The following SLC5A1 variants were observed in gnomAD, a reference collection of about 807,000 sequenced individuals.
SLC5A1 encodes the protein solute carrier family 5 member 1.
Under a neutral mutation model 73.5 loss-of-function variants are expected in SLC5A1, and 42 were observed. That is an observed-to-expected ratio of 0.57 (90% CI 0.45 to 0.74). SLC5A1 has a LOEUF of 0.74. SLC5A1 is among the 30% of genes least tolerant of loss of function. The pLI is 0.00. For missense variants in SLC5A1, 634 were observed against 855.4 expected (o/e 0.74, Z 3.23); for synonymous variants, 300 against 317.4 (o/e 0.95, Z 0.58).
At position 32,101,736 on chromosome 22, in the gene SLC5A1, C is replaced by T. The variant is rs569639049; in HGVS notation, c.1450-286C>T. Among the ~76,000 whole-genome samples the T allele has an allele frequency of 6.6e-5, 10 of 152,248 alleles. No individual in the cohort carries two copies. In the East Asian group the frequency reaches 1.7e-3, roughly 26 times the overall value. ...CAAGTCTGTAGGTTGACATTCTATTCCAGTTATTAGACACTTTACCCCATT... is the reference window on the plus strand; with the variant it reads ...CAAGTCTGTAGGTTGACATTCTATTTCAGTTATTAGACACTTTACCCCATT... On this transcript the variant is annotated intron_variant, in intron 12 of 14. Coordinates refer to ENST00000266088, the MANE Select transcript of SLC5A1 (RefSeq NM_000343.4).
intron 5 of SLC5A1, 32 bp from the exon 6 acceptor site, chr22:32,081,834 C>T: frequency 7.0e-7 from 1 of 1,434,576 alleles, no homozygotes; most frequent in Non-Finnish European, 9.8e-7. Context: ...TGACCACTCT[C>T]CCTCCTAACT....
intron 1 of SLC5A1, among the ~76,000 whole-genome samples, chr22:32,049,726 G>A (rs2093942769): frequency 6.6e-6 from 1 of 152,078 alleles, no homozygotes; most frequent in Non-Finnish European, 1.5e-5. Flanking sequence ...ACAGTAAGCT[G>A]TATGTATCTT....
intron 5 of SLC5A1, among the ~76,000 whole-genome samples, chr22:32,081,465 T>G (rs1161241290): frequency 6.6e-6 from 1 of 152,148 alleles, no homozygotes; most frequent in Non-Finnish European, 1.5e-5. Flanking sequence ...GGGGACGAGC[T>G]CTGATAAACC....
chr22:32,101,442 A>G (rs960239341), intron 12 of SLC5A1, among the ~76,000 whole-genome samples: 8 of 152,336 alleles, frequency 5.3e-5, no homozygotes, highest in African/African-American at 1.9e-4. Flanking sequence ...ACACAGTATA[A>G]TTTTATGTTC....
intron 1 of SLC5A1, among the ~76,000 whole-genome samples, chr22:32,047,997 C>A (rs1433362452): frequency 6.6e-6 from 1 of 151,844 alleles, no homozygotes; most frequent in East Asian, 1.9e-4. Context: ...CCTGTCTCTA[C>A]AAAAATTAGC....
chr22:32,053,199 T>G (rs1293201021), intron 2 of SLC5A1, among the ~76,000 whole-genome samples: 4 of 152,208 alleles, frequency 2.6e-5, no homozygotes, highest in African/African-American at 7.2e-5. Flanking sequence ...TGGTATATTT[T>G]GGGTGGGAGC....
intron 5 of SLC5A1, among the ~76,000 whole-genome samples, chr22:32,072,470 C>G (rs919961864): frequency 2.0e-5 from 3 of 152,136 alleles, no homozygotes; most frequent in African/African-American, 7.2e-5. Context: ...CACTGATGGG[C>G]ATTTAGGTTG....
chr22:32,086,031 C>T (rs558377361), intron 9 of SLC5A1, among the ~76,000 whole-genome samples, 189 bp from the exon 10 acceptor site: 2 of 151,906 alleles, frequency 1.3e-5, no homozygotes, highest in South Asian at 4.2e-4. Context: ...GTCCCAGCTA[C>T]TTGGGAGGCT....
At chr22:32,076,263 C>G (rs2093990742) in intron 5 of SLC5A1, among the ~76,000 whole-genome samples, 1 of 152,188 alleles carries the variant, frequency 6.6e-6, no homozygotes, top group Non-Finnish European at 1.5e-5. Flanking sequence ...ATCTTTTGGT[C>G]ACGTATTTTT....
intron 7 of SLC5A1, among the ~76,000 whole-genome samples, chr22:32,083,620 T>C (rs143584041): frequency 6.6e-6 from 1 of 152,204 alleles, no homozygotes; most frequent in African/African-American, 2.4e-5. Flanking sequence ...ATGCCCCTAT[T>C]TGGCAAAATT....
chr22:32,071,230 T>C (rs1603118885), intron 5 of SLC5A1, among the ~76,000 whole-genome samples: 1 of 152,268 alleles, frequency 6.6e-6, no homozygotes, highest in Admixed American at 6.5e-5. Flanking sequence ...GGCATGAGGA[T>C]TGCGTGAGAC....
At chr22:32,083,004 T>G in intron 6 of SLC5A1, 70 bp from the exon 7 acceptor site, 1 of 1,384,236 alleles carries the variant, frequency 7.2e-7, no homozygotes, top group Non-Finnish European at 1.0e-6. Context: ...GGGTGGAGAG[T>G]GGGGAAGGAA....
chr22:32,065,769 C>A (rs1480477915), intron 2 of SLC5A1, among the ~76,000 whole-genome samples: 1 of 152,208 alleles, frequency 6.6e-6, no homozygotes, highest in Non-Finnish European at 1.5e-5. Flanking sequence ...ATCTCCCTCT[C>A]CCCTGACTTA....
intron 14 of SLC5A1, among the ~76,000 whole-genome samples, chr22:32,107,487 A>T (rs1291590293): frequency 1.3e-5 from 2 of 152,236 alleles, no homozygotes; most frequent in Non-Finnish European, 2.9e-5. Flanking sequence ...AAGTGATTCC[A>T]TTGTTCTAAA....
In SLC5A1 at chr22:32,084,465, G is replaced by A. The variant is rs202020538; in HGVS notation, c.691G>A (p.Ala231Thr). ...TTTTCACGAAGTGGGAGGCTATGACGCCTTCATGGAAAAGTACATGAAAGC... is the reference window on the plus strand; with the variant it reads ...TTTTCACGAAGTGGGAGGCTATGACACCTTCATGGAAAAGTACATGAAAGC... ...FAFHEVGGYDAFMEKYMKAIP... is the reference protein window; with the variant it reads ...FAFHEVGGYDTFMEKYMKAIP... Residue 231 changes from alanine to threonine, a missense_variant, in exon 8 of 15, where the codon GCC (alanine) becomes ACC (threonine). Ala to Thr is a moderately conservative substitution (Grantham distance 58). This residue lies in a region of SLC5A1 where 422 missense variants were observed against 626.1 expected (regional missense o/e 0.67). Coordinates refer to ENST00000266088, the MANE Select transcript of SLC5A1 (RefSeq NM_000343.4). The A allele has an allele frequency of 8.7e-6, 14 of 1,614,050 alleles. No homozygotes were observed. The highest frequency in any genetic ancestry group is 1.1e-5 in the Non-Finnish European group (13 of 1,180,006).
At position 32,081,916 on chromosome 22, in the gene SLC5A1, T is replaced by C; in HGVS notation, c.528T>C (p.Asn176=). The C allele has an allele frequency of 1.2e-6, 2 of 1,613,922 alleles. No individual in the cohort carries two copies. The highest frequency in any genetic ancestry group is 1.7e-6 in the Non-Finnish European group (2 of 1,179,854). ...TCATCAATCTGGCCTTAGGCCTGAA[T>C]CTGTATTTAGCCATCTTTCTCTTAT... is the stretch of plus-strand genomic sequence containing the variant. The part of the protein sequence containing the change: ...AIFINLALGL[N]LYLAIFLLLA... Residue 176 remains asparagine, a synonymous_variant, in exon 6 of 15, where the codon AAT becomes AAC. Coordinates refer to ENST00000266088, the MANE Select transcript of SLC5A1 (RefSeq NM_000343.4).
Position 32,104,875 on chromosome 22 carries a change from G to A in SLC5A1, c.1755G>A (p.Lys585=), listed in dbSNP as rs759200508. 7 of 1,613,160 alleles carry A rather than the reference G, an allele frequency of 4.3e-6. No homozygotes were observed. In the East Asian group the frequency reaches 1.3e-4, roughly 31 times the overall value. Reference sequence around the variant, plus strand: ...AGGAGAACATCCAAGAAGGCCCTAAGGAGACCATTGAAATAGGTGACTTAT... The same window carrying A: ...AGGAGAACATCCAAGAAGGCCCTAAAGAGACCATTGAAATAGGTGACTTAT... ...AEEENIQEGP[K]ETIEIETQVP... Residue 585 remains lysine, a synonymous_variant, in exon 14 of 15, where the codon AAG becomes AAA. Coordinates refer to ENST00000266088, the MANE Select transcript of SLC5A1 (RefSeq NM_000343.4).
intron 2 of SLC5A1, among the ~76,000 whole-genome samples, chr22:32,060,064 CACAT>C (rs2093958644): frequency 1.3e-5 from 2 of 148,302 alleles, no homozygotes; most frequent in African/African-American, 5.0e-5. Context: ...TATATACACA[CACAT>C]ATATATATAC....
chr22:32,059,462 TC>T, intron 2 of SLC5A1: 1 of 583,666 alleles, frequency 1.7e-6, no homozygotes, highest in Non-Finnish European at 2.2e-6. Flanking sequence ...AAGAGGGCAT[TC>T]CAGGAAAAAC....
Sources: gnomAD v4.1 joint callset for allele counts (sites outside exome capture counted in the v4.1 genomes callset) on GRCh38, gnomAD v4.1.1 for gene constraint, gnomAD v4.1.1 regional missense constraint, MANE v1.5 for transcripts, NCBI Gene and HGNC (gene_info 2026-07-23, HGNC 2026-07-21) for gene names.